TENM1: variants seen among roughly 807,000 people sequenced by gnomAD.
The protein encoded by TENM1 is teneurin-1.
Under a neutral mutation model 174.8 loss-of-function variants are expected in TENM1, and 35 were observed. The ratio of observed to expected loss-of-function variants is 0.20; its 90% confidence interval spans 0.15 to 0.27. The LOEUF is 0.27. Ranked by LOEUF, TENM1 falls within the 10% of genes least tolerant of loss-of-function variation. The pLI is 1.00. For missense variants in TENM1, 1,633 were observed against 2,130.1 expected (o/e 0.77, Z 4.59); for synonymous variants, 781 against 798.7 (o/e 0.98, Z 0.37).
At chrX:124,492,014 T>C (rs915502944) in intron 20 of TENM1, among the ~76,000 whole-genome samples, 1 of 111,792 alleles carries the variant, frequency 8.9e-6, no homozygotes, top group African/African-American at 3.2e-5. Flanking sequence ...TGCTCAAGTA[T>C]AAACCTGAAG....
rs915149734 is a variant in TENM1 at position 124,698,869 on chromosome X, C to T, written c.1015+6144G>A. ...TGAACCCTAAATGGATAAGCCTCCA[C>T]CCTGTAAGATGCCACCTGTTAGTGT... is the stretch of plus-strand genomic sequence containing the variant. On this transcript the variant is annotated intron_variant, in intron 5 of 31. Coordinates refer to ENST00000422452, the Ensembl canonical transcript of TENM1. Among the ~76,000 whole-genome samples the T allele has an allele frequency of 2.7e-5, 3 of 111,575 alleles. No homozygotes were observed. In the South Asian group the frequency reaches 1.1e-3, roughly 41 times the overall value.
chrX:124,801,066 T>C (rs2147235133), intron 3 of TENM1, among the ~76,000 whole-genome samples: 1 of 111,978 alleles, frequency 8.9e-6, no homozygotes, highest in South Asian at 3.7e-4. Context: ...GAAGAATATA[T>C]ATTCTGTTGA....
intron 1 of TENM1, among the ~76,000 whole-genome samples, chrX:124,913,266 T>C (rs2057866067): frequency 9.0e-6 from 1 of 111,583 alleles, no homozygotes; most frequent in African/African-American, 3.3e-5. Context: ...GCTCTTCATA[T>C]TAAAAAAGAA....
intron 11 of TENM1, among the ~76,000 whole-genome samples, chrX:124,573,800 T>C (rs1347604182): frequency 8.9e-6 from 1 of 112,370 alleles, no homozygotes; most frequent in Non-Finnish European, 1.9e-5. Flanking sequence ...CAGTTCCAAA[T>C]AGAGTTTCTG....
the TENM1 span, among the ~76,000 whole-genome samples, chrX:125,051,753 C>A: frequency 9.7e-6 from 1 of 103,287 alleles, no homozygotes; most frequent in East Asian, 3.0e-4. Flanking sequence ...AGAAGAAAAC[C>A]TAGGCAATAC....
the TENM1 span, among the ~76,000 whole-genome samples, chrX:125,065,209 T>C: frequency 8.6e-3 from 960 of 112,100 alleles, 21 homozygotes; most frequent in African/African-American, 0.029. Flanking sequence ...GCAACATTTT[T>C]TGGGGAATGC....
chrX:125,133,075 C>T, the TENM1 span, among the ~76,000 whole-genome samples: 4 of 110,876 alleles, frequency 3.6e-5, no homozygotes, highest in African/African-American at 9.9e-5. Context: ...CTCACTGCAA[C>T]CTCCGCCTCC....
the TENM1 span, among the ~76,000 whole-genome samples, chrX:125,045,834 T>C: frequency 8.9e-6 from 1 of 112,020 alleles, no homozygotes. Flanking sequence ...AGTGACTCAT[T>C]CAGTTTAAGC....
At chrX:125,046,474 T>G in the TENM1 span, among the ~76,000 whole-genome samples, 1 of 112,336 alleles carries the variant, frequency 8.9e-6, no homozygotes, top group Non-Finnish European at 1.9e-5. Context: ...TACCGTCTTC[T>G]ATGTAATCCC....
At chrX:124,950,582 T>G (rs1414999278) in intron 1 of TENM1, among the ~76,000 whole-genome samples, 1 of 112,242 alleles carries the variant, frequency 8.9e-6, no homozygotes, top group East Asian at 2.8e-4. Context: ...CTGGTGAGAC[T>G]TAAGTATAAG....
the TENM1 span, among the ~76,000 whole-genome samples, chrX:125,168,945 T>C: frequency 2.7e-5 from 3 of 110,458 alleles, no homozygotes; most frequent in Non-Finnish European, 5.7e-5. Context: ...TAGTTTGTGA[T>C]GGTTTGTTAC....
At chrX:124,452,882 G>GA (rs2061057781) in intron 23 of TENM1, among the ~76,000 whole-genome samples, 1 of 75,112 alleles carries the variant, frequency 1.3e-5, no homozygotes, top group Non-Finnish European at 2.4e-5. Flanking sequence ...GAGGGGGGAG[G>GA]GATAACTTTA....
intron 15 of TENM1, among the ~76,000 whole-genome samples, chrX:124,535,824 G>A (rs1247060552): frequency 8.9e-6 from 1 of 112,032 alleles, no homozygotes; most frequent in Non-Finnish European, 1.9e-5. Context: ...TAAGATCCTT[G>A]CAACCTATGC....
At chrX:124,471,140 A>T (rs181805218) in intron 22 of TENM1, among the ~76,000 whole-genome samples, 1 of 82,970 alleles carries the variant, frequency 1.2e-5, no homozygotes, top group African/African-American at 4.5e-5. Context: ...ATATATAGTA[A>T]TATATAATAT....
At chrX:124,624,653 G>A (rs554485636) in intron 11 of TENM1, among the ~76,000 whole-genome samples, 1 of 111,984 alleles carries the variant, frequency 8.9e-6, no homozygotes, top group Non-Finnish European at 1.9e-5. Flanking sequence ...TCCTGTATAA[G>A]CTTCTTTGGT....
intron 4 of TENM1, among the ~76,000 whole-genome samples, chrX:124,706,330 T>C (rs1259939312): frequency 1.8e-5 from 2 of 112,511 alleles, no homozygotes; most frequent in Non-Finnish European, 1.9e-5. Flanking sequence ...TTATGCATAA[T>C]AAAATGTGCA....
chrX:124,580,244 T>G (rs1164970444), intron 11 of TENM1, among the ~76,000 whole-genome samples: 1 of 111,237 alleles, frequency 9.0e-6, no homozygotes, highest in Admixed American at 9.6e-5. Context: ...GAAAATGTAG[T>G]ATATATACAA....
chrX:124,589,098 T>TG (rs1297520940), intron 11 of TENM1, among the ~76,000 whole-genome samples: 1 of 108,726 alleles, frequency 9.2e-6, no homozygotes, highest in African/African-American at 3.3e-5. Flanking sequence ...CTTGAGGGTT[T>TG]TTTTTTTTTT....
chrX:124,687,434 A>G, intron 5 of TENM1, among the ~76,000 whole-genome samples: 1 of 112,116 alleles, frequency 8.9e-6, no homozygotes, highest in Non-Finnish European at 1.9e-5. Flanking sequence ...TTAACTCAAG[A>G]TGGATTGAAG....
Sources: gnomAD v4.1 joint callset for allele counts (sites outside exome capture counted in the v4.1 genomes callset) on GRCh38, gnomAD v4.1.1 for gene constraint, MANE v1.5 for transcripts, NCBI Gene and HGNC (gene_info 2026-07-23, HGNC 2026-07-21) for gene names.